The following SNX29 variants were observed in gnomAD, a reference collection of about 807,000 sequenced individuals.
The protein encoded by SNX29 is sorting nexin 29.
In SNX29, 78 loss-of-function variants were observed where a neutral mutation model predicts 102.1. That is an observed-to-expected ratio of 0.76 (90% CI 0.64 to 0.92). The LOEUF (loss-of-function observed/expected upper bound fraction) is 0.92. Among genes scored for constraint, SNX29 ranks in the 40% least tolerant of loss-of-function variants. The probability of loss-of-function intolerance (pLI) is 0.00; values close to 1 mark genes in which losing one functional copy is unlikely to be tolerated. For missense variants in SNX29, 1,280 were observed against 1,061.7 expected (o/e 1.21, Z -2.86); for synonymous variants, 580 against 414.5 (o/e 1.40, Z -4.85).
chr16:12,565,962 CTG>C (rs766463278), intron 20 of SNX29, among the ~76,000 whole-genome samples: 3 of 152,198 alleles, frequency 2.0e-5, no homozygotes, highest in Non-Finnish European at 4.4e-5. Context: ...CTCAATGACA[CTG>C]TGGCTTTCCA....
chr16:12,241,767 G>T (rs2078111403), intron 14 of SNX29, among the ~76,000 whole-genome samples: 1 of 152,124 alleles, frequency 6.6e-6, no homozygotes, highest in Admixed American at 6.5e-5. Flanking sequence ...CAGCCTCCCT[G>T]GCCTATCTTT....
Position 12,533,090 on chromosome 16 carries a change from C to G in SNX29, c.2318+8249C>G, listed in dbSNP as rs373067805. Among the ~76,000 whole-genome samples, 30 of 152,338 alleles carry G rather than the reference C, an allele frequency of 2.0e-4. No individual in the cohort carries two copies. The East Asian group carries it at 5.0e-3, about 25-fold the overall frequency. Reference sequence around the variant, plus strand: ...TTGCAAGCCACAGCCCACATCACACCTCCGGGGAGGGACAGGTTCAACTCG... The same window carrying G: ...TTGCAAGCCACAGCCCACATCACACGTCCGGGGAGGGACAGGTTCAACTCG... On this transcript the variant is annotated intron_variant, in intron 20 of 20. Transcript: ENST00000566228.
At chr16:12,510,668 G>A (rs2089575205) in intron 19 of SNX29, among the ~76,000 whole-genome samples, 1 of 151,740 alleles carries the variant, frequency 6.6e-6, no homozygotes, top group East Asian at 1.9e-4. Flanking sequence ...GTGAGACTCT[G>A]TCTCAAAAAA....
chr16:12,529,587 G>A (rs1002164171), intron 20 of SNX29, among the ~76,000 whole-genome samples: 1 of 152,178 alleles, frequency 6.6e-6, no homozygotes, highest in African/African-American at 2.4e-5. Context: ...AGAAAGTTAG[G>A]GGGCTGGAAG....
In SNX29 at chr16:12,571,807, A is replaced by C. The variant is rs902499558; in HGVS notation, c.*3178A>C. 167 of 1,029,798 alleles carry C rather than the reference A, an allele frequency of 1.6e-4. No individual in the cohort carries two copies. In the African/African-American group the frequency reaches 2.7e-3, roughly 17 times the overall value. 63.8% of individuals were successfully genotyped at this position (1,029,798 alleles called of 1,614,324 possible). A position where few individuals can be genotyped will look rare whatever the true frequency, so the allele number is the denominator to read the frequency against. ...CCACTCTTCCTGCAATCAGTGTGAA[A>C]TTCCAGCTTCTTTGATTCCCACTTA... On this transcript the variant is annotated 3_prime_UTR_variant, in exon 21 of 21. Transcript: ENST00000566228.
At chr16:12,553,892 G>A (rs898916562) in intron 20 of SNX29, among the ~76,000 whole-genome samples, 1 of 151,922 alleles carries the variant, frequency 6.6e-6, no homozygotes, top group Non-Finnish European at 1.5e-5. Context: ...TGCCTAGGCT[G>A]GAGTGCAGTG....
intron 20 of SNX29, among the ~76,000 whole-genome samples, chr16:12,542,307 G>A (rs190096887): frequency 2.0e-5 from 3 of 152,214 alleles, no homozygotes; most frequent in East Asian, 1.9e-4. Context: ...ATCACAGCTA[G>A]TAAGTTTTAG....
chr16:12,573,117 A>G lies in SNX29; in HGVS notation c.*4488A>G, dbSNP rs947296112. 4.4e-6 allele frequency: 1 copy of G among 229,464 alleles called. No individual in the cohort carries two copies. Among genetic ancestry groups the G allele is most frequent in the African/African-American group, 2.2e-5 (1 of 45,100 alleles). 14.2% of individuals were successfully genotyped at this position (229,464 alleles called of 1,614,324 possible). On this transcript the variant is annotated 3_prime_UTR_variant, in exon 21 of 21. Coordinates refer to ENST00000566228, the MANE Select transcript of SNX29 (RefSeq NM_032167.5). ...TCATCTTTATGTTTTTCTAATACACAATCTTGATCTTGTTTCCAAAATAAA... is the reference window on the plus strand; with the variant it reads ...TCATCTTTATGTTTTTCTAATACACGATCTTGATCTTGTTTCCAAAATAAA...
At chr16:12,250,402 C>T (rs551459338) in intron 14 of SNX29, among the ~76,000 whole-genome samples, 48 of 152,298 alleles carry the variant, frequency 3.2e-4, no homozygotes, top group Admixed American at 1.2e-3. Context: ...GGCAGAGGGC[C>T]ATTCGGCCTC....
At position 12,569,488 on chromosome 16, in the gene SNX29, A is replaced by G; in HGVS notation, c.*859A>G. ...ACTTGGGTCAGGGAACCACTGCAGA[A>G]GGTTCCAGGGTTTTCAAACCAGGCT... is the stretch of plus-strand genomic sequence containing the variant. On this transcript the variant is annotated 3_prime_UTR_variant, in exon 21 of 21. Transcript: ENST00000566228. 4.3e-6 allele frequency: 1 copy of G among 231,566 alleles called. No individual in the cohort carries two copies. The highest frequency in any genetic ancestry group is 5.6e-5 in the Admixed American group (1 of 17,722). 14.3% of individuals were successfully genotyped at this position (231,566 alleles called of 1,614,324 possible).
intron 20 of SNX29, among the ~76,000 whole-genome samples, chr16:12,566,674 G>T (rs761387201): frequency 7.2e-6 from 1 of 138,950 alleles, no homozygotes; most frequent in African/African-American, 2.8e-5. Context: ...GAGCATTCAG[G>T]GATAAAGAGG....
intron 20 of SNX29, among the ~76,000 whole-genome samples, chr16:12,558,322 T>C (rs1484632264): frequency 6.6e-6 from 1 of 151,460 alleles, no homozygotes; most frequent in Non-Finnish European, 1.5e-5. Context: ...CTCAAGTGGC[T>C]ATCAACAAAG....
intron 18 of SNX29, among the ~76,000 whole-genome samples, chr16:12,404,388 G>C (rs1055863341): frequency 6.6e-6 from 1 of 152,034 alleles, no homozygotes; most frequent in Non-Finnish European, 1.5e-5. Flanking sequence ...CCCACAGCTC[G>C]TCTGCATGTC....
chr16:12,014,970 AT>A lies in SNX29; in HGVS notation c.122+11935del, dbSNP rs975089479. On this transcript the variant is annotated intron_variant, in intron 3 of 20. Coordinates refer to ENST00000566228, the MANE Select transcript of SNX29 (RefSeq NM_032167.5). The stretch of plus-strand genomic sequence containing the variant: ...TTTTCTTTTTACTTTTTGGTCAACT[AT>A]TTTTTTTGGGGGAGAGGGGGAGGGT... Among the ~76,000 whole-genome samples the A allele has an allele frequency of 2.7e-5, 4 of 150,832 alleles. No individual in the cohort carries two copies. The South Asian group carries it at 8.4e-4, about 31-fold the overall frequency.
chr16:12,147,776 G>A (rs937688251), intron 13 of SNX29, among the ~76,000 whole-genome samples: 1 of 152,178 alleles, frequency 6.6e-6, no homozygotes, highest in Non-Finnish European at 1.5e-5. Flanking sequence ...TTCACAAGGT[G>A]GCAATTTCCA....
intron 18 of SNX29, among the ~76,000 whole-genome samples, chr16:12,440,046 A>G (rs1214954307): frequency 6.6e-6 from 1 of 152,248 alleles, no homozygotes; most frequent in Non-Finnish European, 1.5e-5. Flanking sequence ...TTAGAGTCTC[A>G]TGTATAAAAT....
chr16:12,405,448 C>G (rs2084121965), intron 18 of SNX29, among the ~76,000 whole-genome samples: 2 of 152,224 alleles, frequency 1.3e-5, no homozygotes, highest in Admixed American at 6.5e-5. Context: ...TCCAGCCAGC[C>G]TCAGGCCTGG....
At chr16:12,393,728 A>T (rs2083620339) in intron 16 of SNX29, among the ~76,000 whole-genome samples, 1 of 152,272 alleles carries the variant, frequency 6.6e-6, no homozygotes, top group Non-Finnish European at 1.5e-5. Flanking sequence ...GAAGAGGAGA[A>T]GGGAGCAGTA....
chr16:12,147,940 T>C (rs1360620715), intron 13 of SNX29, among the ~76,000 whole-genome samples: 1 of 152,108 alleles, frequency 6.6e-6, no homozygotes, highest in Non-Finnish European at 1.5e-5. Flanking sequence ...AGGGGAGATA[T>C]TCTTGGCAGC....
Sources: gnomAD v4.1 joint callset for allele counts (sites outside exome capture counted in the v4.1 genomes callset) on GRCh38, gnomAD v4.1.1 for gene constraint, MANE v1.5 for transcripts, NCBI Gene and HGNC (gene_info 2026-07-23, HGNC 2026-07-21) for gene names.